AKIP1: variants seen among roughly 807,000 people sequenced by gnomAD.
The protein encoded by AKIP1 is A-kinase interacting protein 1.
Under a neutral mutation model 22.3 loss-of-function variants are expected in AKIP1, and 18 were observed. The observed-to-expected ratio is 0.81, with a 90% CI of 0.56 to 1.19. AKIP1 has a LOEUF of 1.19. Among genes scored for constraint, AKIP1 ranks in the 50% most tolerant of loss-of-function variants. The pLI is 0.00. For synonymous variants in AKIP1, 120 were observed against 102.7 expected, an observed-to-expected ratio of 1.17 and a Z score of -1.02; for missense variants, 287 against 264.6, an observed-to-expected ratio of 1.08 and a Z score of -0.59.
chr11:8,912,642 C>A, intron 3 of AKIP1, 109 bp downstream of exon 3: 7 of 963,102 alleles, frequency 7.3e-6, no homozygotes, highest in African/African-American at 3.2e-5. Flanking sequence ...TCCTGCCCAG[C>A]CTTCACGGTC....
chr11:8,914,613 C>T (rs1316254823), intron 3 of AKIP1, among the ~76,000 whole-genome samples: 1 of 152,208 alleles, frequency 6.6e-6, no homozygotes, highest in African/African-American at 2.4e-5. Context: ...CAGCAGGTGG[C>T]AGCACGGGGA....
intron 3 of AKIP1, among the ~76,000 whole-genome samples, chr11:8,913,721 T>G (rs572474040): frequency 6.6e-6 from 1 of 152,300 alleles, no homozygotes; most frequent in East Asian, 1.9e-4. Flanking sequence ...CTCAAAAAAC[T>G]CTAATCTTTC....
At chr11:8,915,601 C>T (rs889790473) in intron 4 of AKIP1, among the ~76,000 whole-genome samples, 5 of 150,260 alleles carry the variant, frequency 3.3e-5, no homozygotes, top group Admixed American at 2.7e-4. Context: ...TTAATAATTA[C>T]ATTTTTTACT....
In AKIP1 at chr11:8,919,443, A is replaced by G. The variant is rs759524174; in HGVS notation, c.596A>G (p.Asp199Gly). The change falls in exon 6 of 6, where the codon GAT becomes GGT. Residue 199 changes from aspartate (D) to glycine (G), a missense_variant. Transcript: ENST00000309377. ...LTKKTHVVAV[D>G]SGQSVDLVFP... ...AAGAAGACTCATGTGGTAGCAGTTG[A>G]TTCTGGACAAAGCGTGGACCTGGTC... is the stretch of plus-strand genomic sequence containing the variant. 1.2e-6 allele frequency: 2 copies of G among 1,614,194 alleles called. No individual in the cohort carries two copies. The highest frequency in any genetic ancestry group is 2.2e-5 in the South Asian group (2 of 91,090).
At chr11:8,914,706 G>A in intron 3 of AKIP1, 120 bp from the exon 4 acceptor site, 3 of 681,986 alleles carry the variant, frequency 4.4e-6, no homozygotes, top group Non-Finnish European at 7.7e-6. Flanking sequence ...CAAGAGGGCA[G>A]GTAATTCACC....
At chr11:8,916,404 A>C (rs1408904570) in intron 4 of AKIP1, among the ~76,000 whole-genome samples, 2 of 152,202 alleles carry the variant, frequency 1.3e-5, no homozygotes, top group Non-Finnish European at 2.9e-5. Context: ...TGGGGAAGCC[A>C]AAGATTCTGC....
At chr11:8,914,975 G>C (rs750808633) in intron 4 of AKIP1, 45 bp downstream of exon 4, 5 of 1,456,876 alleles carry the variant, frequency 3.4e-6, no homozygotes, top group Non-Finnish European at 4.8e-6. Flanking sequence ...AGTCTACCAA[G>C]ATATGACACC....
At chr11:8,911,953 T>G (rs1261747114) in intron 2 of AKIP1, among the ~76,000 whole-genome samples, 1 of 148,904 alleles carries the variant, frequency 6.7e-6, no homozygotes, top group African/African-American at 2.5e-5. Flanking sequence ...ATCCCAGCAC[T>G]TTGGGAGGCC....
intron 5 of AKIP1, among the ~76,000 whole-genome samples, chr11:8,918,728 T>C (rs1442027503): frequency 6.6e-6 from 1 of 152,224 alleles, no homozygotes; most frequent in Non-Finnish European, 1.5e-5. Context: ...CGGCTCTAAA[T>C]AAAATCTTTC....
rs1304626190 is a variant in AKIP1, at chr11:8,913,410, ACGCCTGACCTCGAGGGAT to A, written c.303+879_303+896del. Among the ~76,000 whole-genome samples the A allele has an allele frequency of 9.3e-5, 14 of 150,818 alleles. No homozygotes were observed. In the East Asian group the frequency reaches 2.0e-3, roughly 21 times the overall value. ...ACCATGTTGGCCAGGCTGCTCTGGA[ACGCCTGACCTCGAGGGAT>A]CCGCGCATCTTGGCCTCCCAAAGTG... On this transcript the variant is annotated intron_variant, in intron 3 of 5. Transcript: ENST00000309377.
At chr11:8,916,756 T>G (rs1482006018) in intron 4 of AKIP1, among the ~76,000 whole-genome samples, 1 of 152,160 alleles carries the variant, frequency 6.6e-6, no homozygotes, top group African/African-American at 2.4e-5. Flanking sequence ...TAGCCTGAAC[T>G]CTTACCTAAA....
rs140994058 is a variant in AKIP1 at position 8,917,348 on chromosome 11, C to G, written c.470C>G (p.Ala157Gly). 469 of 1,613,690 alleles carry G rather than the reference C, an allele frequency of 2.9e-4. 5 individuals carry two copies. In the East Asian group the frequency reaches 0.01, roughly 35 times the overall value. The change falls in exon 5 of 6, where the codon GCT becomes GGT. Residue 157 changes from alanine to glycine, a missense_variant. Transcript: ENST00000309377. ...PGGSYQISEH[A>G]PEASQPAENI... ...GGCAGCTATCAAATATCAGAGCATG[C>G]TCCAGAGGCATCCCAGCCTGTGAGT...
Position 8,919,336 on chromosome 11 carries a change from G to A in AKIP1, c.490-1G>A. 4 of 1,611,308 alleles carry A rather than the reference G, an allele frequency of 2.5e-6. No individual in the cohort carries two copies. Among genetic ancestry groups the A allele is most frequent in the Non-Finnish European group, 3.4e-6 (4 of 1,179,266 alleles). ...CTGCTAATATCCTCTTTTCCTTCTAGGCTGAGAACATCTCTAAGGACCTCT... is the reference window on the plus strand; with the variant it reads ...CTGCTAATATCCTCTTTTCCTTCTAAGCTGAGAACATCTCTAAGGACCTCT... On this transcript the variant is annotated splice_acceptor_variant, in intron 5 of 5. Transcript: ENST00000309377. LOFTEE classifies it high-confidence loss of function.
chr11:8,918,590 G>A (rs996321029), intron 5 of AKIP1, among the ~76,000 whole-genome samples: 5 of 152,166 alleles, frequency 3.3e-5, no homozygotes, highest in African/African-American at 1.2e-4. Context: ...CTTAATTACA[G>A]GCTCTCTTCT....
intron 2 of AKIP1, 77 bp downstream of exon 2, chr11:8,911,748 C>T (rs1011937839): frequency 7.3e-7 from 1 of 1,373,574 alleles, no homozygotes; most frequent in Non-Finnish European, 9.6e-7. Flanking sequence ...GTGCGCAGCG[C>T]AGAAGCAGCT....
chr11:8,911,292 C>G, intron 1 of AKIP1, 69 bp downstream of exon 1: 3 of 674,756 alleles, frequency 4.4e-6, no homozygotes. Flanking sequence ...TAGGCCTAGT[C>G]CTGGCTGGGC....
chr11:8,911,868 C>T (rs1427008935), intron 2 of AKIP1, among the ~76,000 whole-genome samples, 197 bp downstream of exon 2: 1 of 148,526 alleles, frequency 6.7e-6, no homozygotes, highest in Non-Finnish European at 1.5e-5. Context: ...TGTAGAATAA[C>T]GGTAGTGTTC....
chr11:8,911,508 G>A lies in AKIP1; in HGVS notation c.59G>A (p.Arg20His), dbSNP rs1431372355. Reference sequence around the variant, plus strand: ...GGGGTGGACCGACGTTCCCTGCAGCGTTCAGCAAGGCTGGCTCTAGAAGTG... The same window carrying A: ...GGGGTGGACCGACGTTCCCTGCAGCATTCAGCAAGGCTGGCTCTAGAAGTG... The part of the protein sequence containing the change: ...LNGVDRRSLQ[R>H]SARLALEVLE... The change falls in exon 2 of 6, where the codon CGT (arginine) becomes CAT (histidine). Residue 20 changes from arginine (R) to histidine (H), a missense_variant. By Grantham distance (29) the Arg-to-His change is conservative. Transcript: ENST00000309377. The A allele has an allele frequency of 6.2e-7, 1 of 1,609,112 alleles. No homozygotes were observed. The highest frequency in any genetic ancestry group is 1.7e-5 in the Admixed American group (1 of 59,268).
chr11:8,916,899 C>G (rs1477841280), intron 4 of AKIP1, among the ~76,000 whole-genome samples: 2 of 152,200 alleles, frequency 1.3e-5, no homozygotes, highest in Non-Finnish European at 2.9e-5. Context: ...GGACCACCCC[C>G]ACTCCTAGAA....
Sources: gnomAD v4.1 joint callset for allele counts (sites outside exome capture counted in the v4.1 genomes callset) on GRCh38, gnomAD v4.1.1 for gene constraint, MANE v1.5 for transcripts, NCBI Gene and HGNC (gene_info 2026-07-23, HGNC 2026-07-21) for gene names.